The following CHMP4C variants were observed in gnomAD, a reference collection of about 807,000 sequenced individuals.
CHMP4C encodes the protein charged multivesicular body protein 4C.
CHMP4C carries 28 observed loss-of-function variants against 29.0 expected under a neutral mutation model. That is an observed-to-expected ratio of 0.97 (90% confidence interval 0.72 to 1.32). CHMP4C has a LOEUF of 1.32. CHMP4C is among the 40% of genes most tolerant of loss of function. CHMP4C has a pLI of 0.00. For missense variants in CHMP4C, 291 were observed against 281.0 expected, an observed-to-expected ratio of 1.04 and a Z score of -0.25; for synonymous variants, 106 against 102.4, an observed-to-expected ratio of 1.04 and a Z score of -0.21.
intron 1 of CHMP4C, among the ~76,000 whole-genome samples, chr8:81,739,426 G>GGGGT (rs888102825): frequency 7.2e-6 from 1 of 138,172 alleles, no homozygotes; most frequent in East Asian, 2.4e-4. Context: ...TGTGGGGGGG[G>GGGGT]GTGGAAAAAA....
chr8:81,754,392 G>GGGACTGCATTTCTTT (rs1808945716), intron 2 of CHMP4C, among the ~76,000 whole-genome samples: 1 of 152,006 alleles, frequency 6.6e-6, no homozygotes, highest in Non-Finnish European at 1.5e-5. Flanking sequence ...TTTATATTCA[G>GGGACTGCATTTCTTT]TATAAATAGA....
At chr8:81,737,617 A>C (rs927630491) in intron 1 of CHMP4C, among the ~76,000 whole-genome samples, 13 of 152,222 alleles carry the variant, frequency 8.5e-5, no homozygotes, top group Non-Finnish European at 1.9e-4. Flanking sequence ...CAAAGCAGAC[A>C]GCCAAATAAA....
At chr8:81,732,899 T>G in intron 1 of CHMP4C, 83 bp downstream of exon 1, 1 of 1,340,822 alleles carries the variant, frequency 7.5e-7, no homozygotes, top group East Asian at 2.5e-5. Flanking sequence ...ACCACTGAGG[T>G]CCCCAGGTGG....
intron 3 of CHMP4C, among the ~76,000 whole-genome samples, 172 bp from the exon 4 acceptor site, chr8:81,757,970 C>T (rs1250444100): frequency 6.6e-6 from 1 of 152,164 alleles, no homozygotes; most frequent in Middle Eastern, 3.2e-3. Flanking sequence ...CCAGAATATT[C>T]ATTTTTTAAT....
At position 81,758,185 on chromosome 8, in the gene CHMP4C, T is replaced by G. The variant is rs752850830; in HGVS notation, c.527T>G (p.Leu176Ter). 1 of 1,613,900 alleles carries G rather than the reference T, an allele frequency of 6.2e-7. No homozygotes were observed. The highest frequency in any genetic ancestry group is 2.2e-5 in the East Asian group (1 of 44,876). ...CTTGAAGAATTGGAACAGGAGGAAT[T>G]AAATAAGAAGATGACAAATATCCGC... The part of the protein sequence containing the change: ...AELEELEQEE[L>*]NKKMTNIRLP... Residue 176 changes from leucine (L) to a stop codon, truncating the protein, a stop_gained, in exon 4 of 5, where the codon TTA (leucine) becomes TGA (stop). Coordinates refer to ENST00000297265, the MANE Select transcript of CHMP4C (RefSeq NM_152284.4). LOFTEE classifies it high-confidence loss of function.
rs572988832 is a variant in CHMP4C, at chr8:81,741,204, T to G, written c.190+8388T>G. On this transcript the variant is annotated intron_variant, in intron 1 of 4. Transcript: ENST00000297265. ...AATTTGGAGCAGTATTGTAAATATT[T>G]GAACATTTATCATTATTCATTTAAA... Among the ~76,000 whole-genome samples, 9 of 152,302 alleles carry G rather than the reference T, an allele frequency of 5.9e-5. No homozygotes were observed. The South Asian group carries it at 1.9e-3, about 32-fold the overall frequency.
chr8:81,745,364 G>A (rs1048733543), intron 1 of CHMP4C, among the ~76,000 whole-genome samples: 1 of 152,168 alleles, frequency 6.6e-6, no homozygotes, highest in Non-Finnish European at 1.5e-5. Flanking sequence ...AAACAGGTTT[G>A]TCTGTGTTCA....
At chr8:81,737,548 C>A (rs1209015808) in intron 1 of CHMP4C, among the ~76,000 whole-genome samples, 1 of 152,160 alleles carries the variant, frequency 6.6e-6, no homozygotes, top group Non-Finnish European at 1.5e-5. Flanking sequence ...ATATCCCAAT[C>A]CATTTTTTTG....
At chr8:81,756,220 G>T (rs1808970218) in intron 3 of CHMP4C, among the ~76,000 whole-genome samples, 2 of 152,076 alleles carry the variant, frequency 1.3e-5, no homozygotes, top group Non-Finnish European at 2.9e-5. Flanking sequence ...GTAGACAAGG[G>T]GTCAGCAAAA....
intron 1 of CHMP4C, among the ~76,000 whole-genome samples, chr8:81,745,995 G>A (rs998069460): frequency 2.6e-5 from 4 of 152,124 alleles, no homozygotes; most frequent in Admixed American, 6.5e-5. Context: ...AAATACAGCT[G>A]CTTCTTTCCC....
intron 1 of CHMP4C, among the ~76,000 whole-genome samples, chr8:81,739,932 T>C (rs1314111869): frequency 6.6e-6 from 1 of 152,244 alleles, no homozygotes; most frequent in African/African-American, 2.4e-5. Flanking sequence ...GAAATCAATA[T>C]GTTCAGCTGC....
Position 81,732,745 on chromosome 8 carries a change from A to G in CHMP4C, c.119A>G (p.Gln40Arg). ...ACTGAGGAGATGCTGGGCAAGAAAC[A>G]AGAGTACCTGGAAAATCGAATCCAG... ...RETEEMLGKK[Q>R]EYLENRIQRE... Residue 40 changes from glutamine to arginine, a missense_variant, in exon 1 of 5, where the codon CAA becomes CGA. Coordinates refer to ENST00000297265, the MANE Select transcript of CHMP4C (RefSeq NM_152284.4). The G allele has an allele frequency of 6.2e-7, 1 of 1,609,728 alleles. No homozygotes were observed. The highest frequency in any genetic ancestry group is 1.1e-5 in the South Asian group (1 of 89,906).
rs996365416 is a variant in CHMP4C, at chr8:81,759,249, T to G, written c.*705T>G. On this transcript the variant is annotated 3_prime_UTR_variant, in exon 5 of 5. Coordinates refer to ENST00000297265, the MANE Select transcript of CHMP4C (RefSeq NM_152284.4). ...TTTATTATACCAATTAAGCTTGGAA[T>G]GGGGCAATGGATGCATTTCCCAAAA... 2.0e-5 allele frequency: 3 copies of G among 152,578 alleles called. No homozygotes were observed. The highest frequency in any genetic ancestry group is 1.3e-4 in the Admixed American group (2 of 15,270). The allele number at this position is 152,578 out of a possible 1,614,324, so 9.5% of individuals were successfully genotyped here. A position where few individuals can be genotyped will look rare whatever the true frequency, so the allele number is the denominator to read the frequency against.
At chr8:81,737,276 AGG>A (rs1808703800) in intron 1 of CHMP4C, among the ~76,000 whole-genome samples, 1 of 152,206 alleles carries the variant, frequency 6.6e-6, no homozygotes, top group African/African-American at 2.4e-5. Context: ...AGTGGGGATC[AGG>A]CATCTGTTTT....
In CHMP4C at chr8:81,758,472, T is replaced by C. The variant is rs562246703; in HGVS notation, c.638-8T>C. 244 of 1,609,774 alleles carry C rather than the reference T, an allele frequency of 1.5e-4. 1 individual carries two copies. The South Asian group carries it at 2.6e-3, about 17-fold the overall frequency. On this transcript the variant is annotated splice_region_variant and splice_polypyrimidine_tract_variant and intron_variant, in intron 4 of 4. Transcript: ENST00000297265. ...CAATTACTAATTTTTATCTATTTTA[T>C]GTTCCAGCATCTTCCCAGAGGGCAG...
chr8:81,740,031 A>C (rs1405758700), intron 1 of CHMP4C, among the ~76,000 whole-genome samples: 1 of 152,202 alleles, frequency 6.6e-6, no homozygotes, highest in African/African-American at 2.4e-5. Flanking sequence ...TTATTGTCTT[A>C]TATGCAAGCT....
intron 2 of CHMP4C, among the ~76,000 whole-genome samples, chr8:81,754,795 A>C (rs920489771): frequency 6.6e-6 from 1 of 152,152 alleles, no homozygotes; most frequent in African/African-American, 2.4e-5. Flanking sequence ...TGCAGTTGCT[A>C]ATTCTTCTGA....
intron 1 of CHMP4C, among the ~76,000 whole-genome samples, chr8:81,733,663 T>C (rs1260682437): frequency 6.6e-6 from 1 of 152,244 alleles, no homozygotes; most frequent in African/African-American, 2.4e-5. Flanking sequence ...CAGAGTTAAC[T>C]GATTTCTTCA....
At chr8:81,750,049 T>C (rs1040585580) in intron 1 of CHMP4C, among the ~76,000 whole-genome samples, 1 of 152,112 alleles carries the variant, frequency 6.6e-6, no homozygotes, top group African/African-American at 2.4e-5. Context: ...AGCCTGATGA[T>C]GCAATAGAAA....
Sources: gnomAD v4.1 joint callset for allele counts (sites outside exome capture counted in the v4.1 genomes callset) on GRCh38, gnomAD v4.1.1 for gene constraint, MANE v1.5 for transcripts, NCBI Gene and HGNC (gene_info 2026-07-23, HGNC 2026-07-21) for gene names.